The following BABAM2 variants were observed in gnomAD, a reference collection of about 807,000 sequenced individuals.
BABAM2 encodes the protein BRISC and BRCA1 A complex member 2, also known as BRISC and BRCA1-A complex member 2.
BABAM2 carries 31 observed loss-of-function variants against 54.7 expected under a neutral mutation model. The observed-to-expected ratio is 0.57, with a 90% CI of 0.43 to 0.77. The LOEUF (loss-of-function observed/expected upper bound fraction) is 0.77, where lower values mean the gene tolerates loss of function less well. BABAM2 is among the 30% of genes least tolerant of loss of function. The pLI, the probability that BABAM2 is intolerant of heterozygous loss-of-function variation, is 0.00. For missense variants in BABAM2, 364 were observed against 455.8 expected (o/e 0.80, Z 1.83); for synonymous variants, 167 against 162.9 (o/e 1.03, Z -0.19).
chr2:28,221,713 G>A (rs1680438333), intron 7 of BABAM2, among the ~76,000 whole-genome samples: 1 of 152,090 alleles, frequency 6.6e-6, no homozygotes, highest in South Asian at 2.1e-4. Context: ...TTTGTGATTT[G>A]GTTCTACTCA....
At chr2:28,242,328 G>A (rs1175836323) in intron 9 of BABAM2, among the ~76,000 whole-genome samples, 8 of 152,182 alleles carry the variant, frequency 5.3e-5, no homozygotes, top group Non-Finnish European at 4.4e-5. Context: ...CACCATGGGC[G>A]CCTCTGGCTG....
At chr2:28,157,542 A>G (rs984292506) in intron 7 of BABAM2, among the ~76,000 whole-genome samples, 10 of 152,244 alleles carry the variant, frequency 6.6e-5, no homozygotes, top group Non-Finnish European at 1.2e-4. Flanking sequence ...ATTAACTGAT[A>G]ATCCTCAATG....
At chr2:27,990,969 C>A in intron 4 of BABAM2, among the ~76,000 whole-genome samples, 1 of 151,906 alleles carries the variant, frequency 6.6e-6, no homozygotes, top group East Asian at 1.9e-4. Flanking sequence ...AACTCAGACT[C>A]TTCATTTAGG....
intron 6 of BABAM2, among the ~76,000 whole-genome samples, chr2:28,096,670 A>T (rs1666655350): frequency 6.6e-6 from 1 of 152,000 alleles, no homozygotes; most frequent in Non-Finnish European, 1.5e-5. Context: ...TTTGTCAGCC[A>T]TTCTCATACT....
At chr2:28,022,418 C>T (rs1397139469) in intron 4 of BABAM2, among the ~76,000 whole-genome samples, 2 of 152,170 alleles carry the variant, frequency 1.3e-5, no homozygotes, top group African/African-American at 4.8e-5. Flanking sequence ...GTTAACTAGT[C>T]TTTAAAAAGA....
rs575296302 is a variant in BABAM2 at position 28,165,250 on chromosome 2, C to T, written c.680+35870C>T. ...AATGTGAAGGGTGTAATTGGCTCTG[C>T]CTCAGGCATCAAAAATAACTTTACA... On this transcript the variant is annotated intron_variant, in intron 7 of 11. Transcript: ENST00000379624. Among the ~76,000 whole-genome samples, 163 of 152,278 alleles carry T rather than the reference C, an allele frequency of 1.1e-3. 1 individual carries two copies. The highest frequency in any genetic ancestry group is 1.7e-3 in the Non-Finnish European group (114 of 68,036).
At chr2:28,039,835 A>G (rs1031911558) in intron 5 of BABAM2, among the ~76,000 whole-genome samples, 6 of 152,236 alleles carry the variant, frequency 3.9e-5, no homozygotes, top group African/African-American at 1.4e-4. Context: ...AAAGATGCAC[A>G]TATTTATTGC....
rs922410150 is a variant in BABAM2 at position 27,904,618 on chromosome 2, CAG to C, written c.128+9939_128+9940del. The stretch of plus-strand genomic sequence containing the variant: ...TGAGGAAAGCCATCAACATGAAAGA[CAG>C]AGAGCAAAACAGAGACAATGCAAGG... On this transcript the variant is annotated intron_variant, in intron 2 of 11. Transcript: ENST00000379624. 9.3e-3 allele frequency among the ~76,000 whole-genome samples: 1,384 copies of C among 148,256 alleles called. 23 individuals carry two copies. The highest frequency in any genetic ancestry group is 0.034 in the African/African-American group (1,290 of 37,804).
At chr2:28,258,969 G>T (rs1380711673) in intron 10 of BABAM2, among the ~76,000 whole-genome samples, 1 of 145,414 alleles carries the variant, frequency 6.9e-6, no homozygotes, top group East Asian at 2.1e-4. Flanking sequence ...TAGAGACAGG[G>T]TTTCACCATG....
intron 7 of BABAM2, among the ~76,000 whole-genome samples, chr2:28,174,028 A>C (rs1019308247): frequency 5.5e-4 from 83 of 152,238 alleles, no homozygotes; most frequent in African/African-American, 1.9e-3. Flanking sequence ...AAAACAACAA[A>C]AAAAAAGTTA....
intron 10 of BABAM2, among the ~76,000 whole-genome samples, chr2:28,278,231 T>C (rs189532523): frequency 1.3e-5 from 2 of 152,294 alleles, no homozygotes; most frequent in East Asian, 3.9e-4. Context: ...TGAACAGGGA[T>C]GTGGCATTTT....
chr2:28,287,768 G>A (rs942395448), intron 10 of BABAM2, among the ~76,000 whole-genome samples: 2 of 152,138 alleles, frequency 1.3e-5, no homozygotes, highest in African/African-American at 2.4e-5. Context: ...AGCAGCAAAG[G>A]GGCCAGGATC....
At chr2:28,050,696 C>T (rs1327688679) in intron 6 of BABAM2, among the ~76,000 whole-genome samples, 2 of 152,126 alleles carry the variant, frequency 1.3e-5, no homozygotes, top group Non-Finnish European at 2.9e-5. Flanking sequence ...AACTTGTACG[C>T]TACCTGCCCA....
At chr2:27,960,485 G>T (rs1670389186) in intron 3 of BABAM2, among the ~76,000 whole-genome samples, 1 of 152,028 alleles carries the variant, frequency 6.6e-6, no homozygotes, top group Non-Finnish European at 1.5e-5. Flanking sequence ...GCATTCTGTG[G>T]TTATTTCTAC....
intron 6 of BABAM2, among the ~76,000 whole-genome samples, chr2:28,078,473 G>A (rs2148669185): frequency 6.6e-6 from 1 of 152,210 alleles, no homozygotes; most frequent in East Asian, 1.9e-4. Context: ...AGGTTGCTAA[G>A]CTTTACAGTA....
Position 28,338,382 on chromosome 2 carries a change from C to T in BABAM2, c.1089-68C>T, listed in dbSNP as rs189995981. The T allele has an allele frequency of 1.2e-5, 16 of 1,354,496 alleles. No homozygotes were observed. The Admixed American group carries it at 2.7e-4, about 23-fold the overall frequency. 83.9% of individuals were successfully genotyped at this position (1,354,496 alleles called of 1,614,324 possible). On this transcript the variant is annotated intron_variant, in intron 11 of 11. Transcript: ENST00000379624. ...CTGTTCTGAGTTAGCTTGAAAGCTC[C>T]CAGTTGCACTTTGTTTCAAGTTGTT...
At position 28,322,657 on chromosome 2, in the gene BABAM2, C is replaced by T. The variant is rs1690117772; in HGVS notation, c.1089-15793C>T. ...CAGAGGCAGGACAAGCAGTCATGGG[C>T]TGTGGTTGGCGGCCGCAGGCCCCGA... On this transcript the variant is annotated intron_variant, in intron 11 of 11. Transcript: ENST00000379624. The surrounding 1 kb of genome is among the most constrained non-coding windows in gnomAD (Gnocchi z 4.1). Among the ~76,000 whole-genome samples the T allele has an allele frequency of 2.0e-5, 3 of 152,302 alleles. No individual in the cohort carries two copies. Among genetic ancestry groups the T allele is most frequent in the South Asian group, 2.1e-4 (1 of 4,830 alleles).
intron 7 of BABAM2, among the ~76,000 whole-genome samples, chr2:28,214,175 ATATG>A (rs1679726138): frequency 6.6e-6 from 1 of 152,078 alleles, no homozygotes; most frequent in Non-Finnish European, 1.5e-5. Flanking sequence ...GTGTGTATGT[ATATG>A]TGTGTGTGTG....
Position 28,325,680 on chromosome 2 carries a change from G to C in BABAM2, c.1089-12770G>C, listed in dbSNP as rs566229939. Reference sequence around the variant, plus strand: ...GCTGTCAGGGGGATAAGGGTGAAGAGAGGAGGGACCATGGCCATCTTGCTG... The same window carrying C: ...GCTGTCAGGGGGATAAGGGTGAAGACAGGAGGGACCATGGCCATCTTGCTG... On this transcript the variant is annotated intron_variant, in intron 11 of 11. Coordinates refer to ENST00000379624, the MANE Select transcript of BABAM2 (RefSeq NM_199191.3). This position sits in a 1 kb window ranked among gnomAD's most constrained non-coding sequence, Gnocchi z 4.3. Among the ~76,000 whole-genome samples the C allele has an allele frequency of 9.5e-4, 144 of 152,322 alleles. 1 individual carries two copies. Among genetic ancestry groups the C allele is most frequent in the Non-Finnish European group, 1.8e-3 (124 of 68,036 alleles).
Sources: gnomAD v4.1 joint callset for allele counts (sites outside exome capture counted in the v4.1 genomes callset) on GRCh38, gnomAD v4.1.1 for gene constraint, Gnocchi (gnomAD v3.1) non-coding constraint, MANE v1.5 for transcripts, NCBI Gene and HGNC (gene_info 2026-07-23, HGNC 2026-07-21) for gene names.